NELL1: variants seen among roughly 807,000 people sequenced by gnomAD.
The protein encoded by NELL1 is protein kinase C-binding protein NELL1.
NELL1 carries 76 observed loss-of-function variants against 107.4 expected under a neutral mutation model. The ratio of observed to expected loss-of-function variants is 0.71; its 90% confidence interval spans 0.59 to 0.86. The LOEUF (loss-of-function observed/expected upper bound fraction) is 0.86, where lower values mean the gene tolerates loss of function less well. NELL1 is among the 40% of genes least tolerant of loss of function. The pLI, the probability that NELL1 is intolerant of heterozygous loss-of-function variation, is 0.00. For missense variants in NELL1, 1,024 were observed against 1,005.5 expected (o/e 1.02, Z -0.25); for synonymous variants, 353 against 341.2 (o/e 1.03, Z -0.38).
At chr11:20,883,007 C>CT (rs1030041096) in intron 4 of NELL1, among the ~76,000 whole-genome samples, 43 of 152,220 alleles carry the variant, frequency 2.8e-4, no homozygotes, top group African/African-American at 1.0e-3. Flanking sequence ...AGCAAGTTTT[C>CT]TTTTTAAAAA....
intron 16 of NELL1, among the ~76,000 whole-genome samples, chr11:21,550,264 C>G (rs188967065): frequency 2.6e-5 from 4 of 151,892 alleles, no homozygotes; most frequent in African/African-American, 9.7e-5. Context: ...GAGTAGGTTG[C>G]AAAAATTTTC....
chr11:21,102,796 A>T (rs1171988729), intron 12 of NELL1, among the ~76,000 whole-genome samples: 1 of 152,140 alleles, frequency 6.6e-6, no homozygotes, highest in Non-Finnish European at 1.5e-5. Flanking sequence ...ATTATTATGC[A>T]TTTAAAATTG....
At position 21,434,818 on chromosome 11, in the gene NELL1, T is replaced by C. The variant is rs972536549; in HGVS notation, c.1645+63870T>C. Among the ~76,000 whole-genome samples the C allele has an allele frequency of 2.0e-5, 3 of 152,160 alleles. No individual in the cohort carries two copies. In the East Asian group the frequency reaches 5.8e-4, roughly 29 times the overall value. On this transcript the variant is annotated intron_variant, in intron 15 of 19. Transcript: ENST00000357134. ...ATGGTTATTTTAATAATATTAACTG[T>C]CCTATTCCATTTTTTTGTGTCCTCT... is the stretch of plus-strand genomic sequence containing the variant.
chr11:21,192,900 C>T (rs1590720500), intron 13 of NELL1, among the ~76,000 whole-genome samples: 2 of 151,766 alleles, frequency 1.3e-5, no homozygotes. Flanking sequence ...TTTCCAGTGT[C>T]GAGAGAAAGA....
chr11:20,779,216 G>T (rs1165006390), intron 2 of NELL1, among the ~76,000 whole-genome samples: 1 of 152,176 alleles, frequency 6.6e-6, no homozygotes, highest in East Asian at 1.9e-4. Flanking sequence ...TGAAATGGAT[G>T]TCAATGATGG....
intron 19 of NELL1, 37 bp from the exon 20 acceptor site, chr11:21,574,935 G>A (rs1857186774): frequency 3.2e-6 from 5 of 1,586,790 alleles, no homozygotes; most frequent in Non-Finnish European, 4.3e-6. Context: ...TATATTCCAT[G>A]TCTCAACTGG....
intron 16 of NELL1, among the ~76,000 whole-genome samples, chr11:21,552,807 G>C (rs1484280543): frequency 6.6e-6 from 1 of 151,768 alleles, no homozygotes; most frequent in Admixed American, 6.6e-5. Flanking sequence ...CTTCTCTGCA[G>C]ATGCTGCCCT....
intron 4 of NELL1, among the ~76,000 whole-genome samples, chr11:20,871,539 G>A (rs930753732): frequency 5.9e-5 from 9 of 151,822 alleles, no homozygotes; most frequent in Admixed American, 5.3e-4. Context: ...ATTATTAATG[G>A]TCATAGTCAG....
At chr11:21,428,336 A>G (rs1259636065) in intron 15 of NELL1, among the ~76,000 whole-genome samples, 5 of 152,276 alleles carry the variant, frequency 3.3e-5, no homozygotes, top group African/African-American at 9.6e-5. Flanking sequence ...CATTAGTACA[A>G]ATAATTTTCT....
At chr11:21,146,893 A>G (rs962239533) in intron 13 of NELL1, among the ~76,000 whole-genome samples, 1 of 152,036 alleles carries the variant, frequency 6.6e-6, no homozygotes, top group African/African-American at 2.4e-5. Flanking sequence ...AAAATACAAA[A>G]ATTAGCTGTG....
intron 14 of NELL1, among the ~76,000 whole-genome samples, chr11:21,278,011 C>T (rs1184379711): frequency 6.6e-6 from 1 of 151,784 alleles, no homozygotes; most frequent in East Asian, 1.9e-4. Flanking sequence ...AACTAACCTG[C>T]ACGTTGTGCA....
rs114646880 is a variant in NELL1, at chr11:21,561,231, A to T, written c.1980+849A>T. On this transcript the variant is annotated intron_variant, in intron 17 of 19. Coordinates refer to ENST00000357134, the MANE Select transcript of NELL1 (RefSeq NM_006157.5). ...TAGCCAAGTCTCCTGATAAATTCCCAGTCTGCTGAAACAGAGCTGAAATGA... is the reference window on the plus strand; with the variant it reads ...TAGCCAAGTCTCCTGATAAATTCCCTGTCTGCTGAAACAGAGCTGAAATGA... Among the ~76,000 whole-genome samples, 235 of 152,192 alleles carry T rather than the reference A, an allele frequency of 1.5e-3. 1 individual carries two copies. The highest frequency in any genetic ancestry group is 5.6e-3 in the African/African-American group (232 of 41,558).
chr11:21,216,949 G>C (rs1051470453), intron 13 of NELL1, among the ~76,000 whole-genome samples: 4 of 152,056 alleles, frequency 2.6e-5, no homozygotes, highest in Admixed American at 2.6e-4. Flanking sequence ...GATATGGTTT[G>C]GCTGTTTTCC....
At chr11:20,769,525 C>G (rs1856600055) in intron 2 of NELL1, 1 of 152,214 alleles carries the variant, frequency 6.6e-6, no homozygotes, top group Non-Finnish European at 1.5e-5. Flanking sequence ...CAGACTGAGT[C>G]CATCTTAATC....
intron 12 of NELL1, among the ~76,000 whole-genome samples, chr11:20,981,807 G>C (rs951358860): frequency 1.3e-5 from 2 of 152,066 alleles, no homozygotes; most frequent in Non-Finnish European, 2.9e-5. Context: ...ATATGCAAAT[G>C]GTAGAAAATC....
intron 15 of NELL1, among the ~76,000 whole-genome samples, chr11:21,476,176 A>AAT (rs558251189): frequency 7.6e-4 from 116 of 152,176 alleles, no homozygotes; most frequent in Non-Finnish European, 1.5e-3. Context: ...ATTCTGTAAA[A>AAT]ATATATATAC....
At chr11:21,196,348 C>A (rs550865748) in intron 13 of NELL1, among the ~76,000 whole-genome samples, 1 of 152,262 alleles carries the variant, frequency 6.6e-6, no homozygotes, top group South Asian at 2.1e-4. Context: ...CCTGATTTCA[C>A]CTATGGCCAC....
intron 15 of NELL1, among the ~76,000 whole-genome samples, chr11:21,422,226 G>T (rs1396091522): frequency 6.6e-6 from 1 of 152,076 alleles, no homozygotes; most frequent in African/African-American, 2.4e-5. Context: ...AATCTTAAAG[G>T]AAGTCTTACA....
chr11:21,112,191 G>A (rs1855123135), intron 12 of NELL1, among the ~76,000 whole-genome samples: 1 of 151,902 alleles, frequency 6.6e-6, no homozygotes, highest in African/African-American at 2.4e-5. Context: ...TGAAAGTCTT[G>A]CTAACTGTGG....
Sources: allele counts gnomAD v4.1 joint callset (sites outside exome capture counted in the v4.1 genomes callset), GRCh38; gene constraint gnomAD v4.1.1; transcripts MANE v1.5; gene names NCBI Gene and HGNC (gene_info 2026-07-23, HGNC 2026-07-21).